EFCAB13: variants seen among roughly 807,000 people sequenced by gnomAD.
EFCAB13 encodes EF-hand calcium-binding domain-containing protein 13.
A neutral mutation model predicts 110.2 loss-of-function variants in EFCAB13; 91 were observed. The observed-to-expected ratio is 0.83, with a 90% confidence interval of 0.70 to 0.98. The LOEUF is 0.98. Ranked by LOEUF, EFCAB13 falls within the 50% of genes least tolerant of loss-of-function variation. The pLI is 0.00. For missense variants in EFCAB13, 968 were observed against 1,119.4 expected (o/e 0.86, Z 1.93); for synonymous variants, 323 against 369.9 (o/e 0.87, Z 1.45).
At chr17:47,391,803 T>G (rs2065709719) in intron 15 of EFCAB13, among the ~76,000 whole-genome samples, 1 of 151,974 alleles carries the variant, frequency 6.6e-6, no homozygotes, top group Non-Finnish European at 1.5e-5. Context: ...AAAATTTTAT[T>G]TATTTATTCT....
At chr17:47,397,700 C>G (rs979010698) in intron 17 of EFCAB13, among the ~76,000 whole-genome samples, 2 of 151,386 alleles carry the variant, frequency 1.3e-5, no homozygotes, top group African/African-American at 4.9e-5. Context: ...TCTACCCGGC[C>G]GCGACCCCAT....
intron 9 of EFCAB13, among the ~76,000 whole-genome samples, chr17:47,353,301 T>A (rs575898294): frequency 6.6e-6 from 1 of 151,820 alleles, no homozygotes; most frequent in African/African-American, 2.4e-5. Flanking sequence ...TTATTATTTT[T>A]TTTTATTTTT....
At chr17:47,436,066 G>A (rs990391258) in intron 24 of EFCAB13, among the ~76,000 whole-genome samples, 2 of 152,256 alleles carry the variant, frequency 1.3e-5, no homozygotes, top group Admixed American at 6.5e-5. Context: ...TTTATGTGGT[G>A]TATCACATTT....
intron 23 of EFCAB13, chr17:47,423,412 G>T (rs1904791220): frequency 5.7e-6 from 1 of 176,412 alleles, no homozygotes; most frequent in East Asian, 1.5e-4. Flanking sequence ...AAAGTTGAGG[G>T]GGCGTGTTCC....
intron 21 of EFCAB13, among the ~76,000 whole-genome samples, chr17:47,410,705 A>C (rs190853754): frequency 2.1e-4 from 32 of 152,330 alleles, no homozygotes; most frequent in African/African-American, 6.3e-4. Context: ...AGACATATCC[A>C]TTCCAAGAGG....
Position 47,344,101 on chromosome 17 carries a change from A to G in EFCAB13, c.304-61A>G. Reference sequence around the variant, plus strand: ...TATCTTTTAAGAGTTGTATCATCCAAGAATGCTGAATTACCAGTGTCACTC... The same window carrying G: ...TATCTTTTAAGAGTTGTATCATCCAGGAATGCTGAATTACCAGTGTCACTC... On this transcript the variant is annotated intron_variant, in intron 6 of 24. Coordinates refer to ENST00000331493, the MANE Select transcript of EFCAB13 (RefSeq NM_152347.5). The G allele has an allele frequency of 4.5e-6, 7 of 1,548,102 alleles. No homozygotes were observed. The highest frequency in any genetic ancestry group is 6.1e-6 in the Non-Finnish European group (7 of 1,143,970).
At chr17:47,329,050 T>C (rs1349713297) in intron 4 of EFCAB13, 3 of 152,090 alleles carry the variant, frequency 2.0e-5, no homozygotes, top group African/African-American at 7.2e-5. Flanking sequence ...TATGGGGAAA[T>C]TGGATGAAAT....
chr17:47,371,129 A>T (rs2065582381), intron 11 of EFCAB13, among the ~76,000 whole-genome samples: 1 of 146,484 alleles, frequency 6.8e-6, no homozygotes, highest in Admixed American at 6.9e-5. Context: ...CTGGATATTA[A>T]TCCCTTCTCA....
intron 12 of EFCAB13, among the ~76,000 whole-genome samples, chr17:47,377,176 TACAC>T (rs1567792252): frequency 6.6e-6 from 1 of 151,956 alleles, no homozygotes; most frequent in Non-Finnish European, 1.5e-5. Context: ...CACACACACA[TACAC>T]ATACAAACAC....
Position 47,377,894 on chromosome 17 carries a change from A to G in EFCAB13, c.1501A>G (p.Ser501Gly). The G allele has an allele frequency of 6.3e-7, 1 of 1,587,142 alleles. No individual in the cohort carries two copies. The highest frequency in any genetic ancestry group is 8.5e-7 in the Non-Finnish European group (1 of 1,173,414). Reference protein sequence around the residue: ...EEFQKIVTDTSRNENGMVELD... With the variant: ...EEFQKIVTDTGRNENGMVELD... Reference sequence around the variant, plus strand: ...ATTCCAGAAGATTGTGACAGACACTAGTAGAAATGGTGAGAGACTGATAAC... The same window carrying G: ...ATTCCAGAAGATTGTGACAGACACTGGTAGAAATGGTGAGAGACTGATAAC... The change falls in exon 13 of 25, where the codon AGT (serine) becomes GGT (glycine). Residue 501 changes from serine to glycine, a missense_variant. Physicochemically the swap from Ser to Gly is moderately conservative, Grantham distance 56. Transcript: ENST00000331493.
chr17:47,351,659 T>G lies in EFCAB13; in HGVS notation c.661+3708T>G, dbSNP rs544310983. Among the ~76,000 whole-genome samples, 379 of 152,296 alleles carry G rather than the reference T, an allele frequency of 2.5e-3. 4 individuals carry two copies. Among genetic ancestry groups the G allele is most frequent in the African/African-American group, 8.9e-3 (370 of 41,564 alleles). On this transcript the variant is annotated intron_variant, in intron 9 of 24. Transcript: ENST00000331493. ...TTGCTTTTGTTGTCTTTGATCTGTT[T>G]GAGTTCTTGGTACATTCTGGATATC...
At chr17:47,325,637 T>C (rs1175265341) in intron 2 of EFCAB13, among the ~76,000 whole-genome samples, 1 of 151,998 alleles carries the variant, frequency 6.6e-6, no homozygotes, top group Non-Finnish European at 1.5e-5. Flanking sequence ...CTTACTTTTC[T>C]TTCTGGCTGA....
At chr17:47,360,832 C>A (rs1432534008) in intron 9 of EFCAB13, among the ~76,000 whole-genome samples, 1 of 152,084 alleles carries the variant, frequency 6.6e-6, no homozygotes, top group Non-Finnish European at 1.5e-5. Context: ...CCAGTTTCAG[C>A]TTTCTACAAA....
intron 9 of EFCAB13, among the ~76,000 whole-genome samples, chr17:47,358,008 T>C (rs1168514800): frequency 6.6e-6 from 1 of 152,230 alleles, no homozygotes; most frequent in East Asian, 1.9e-4. Flanking sequence ...GTTCTGAGAC[T>C]AATCAAGAAC....
At chr17:47,391,297 A>T in intron 14 of EFCAB13, 140 bp from the exon 15 acceptor site, 1 of 505,408 alleles carries the variant, frequency 2.0e-6, no homozygotes, top group Non-Finnish European at 3.2e-6. Flanking sequence ...TAAAGATTCT[A>T]GATATGCTTT....
chr17:47,421,722 C>G (rs912820298), intron 23 of EFCAB13, among the ~76,000 whole-genome samples: 1 of 150,728 alleles, frequency 6.6e-6, no homozygotes, highest in Non-Finnish European at 1.5e-5. Context: ...AAAAAAGATA[C>G]TAAGAGGATC....
intron 17 of EFCAB13, among the ~76,000 whole-genome samples, chr17:47,398,469 G>C (rs200130731): frequency 0.44 from 63,834 of 146,204 alleles, 13,275 homozygotes; most frequent in Non-Finnish European, 0.47. Flanking sequence ...TGCCGTGTCT[G>C]TGTAGAAAGA....
rs1325000658 is a variant in EFCAB13 at position 47,335,355 on chromosome 17, A to C, written c.190A>C (p.Ile64Leu). ...IRSLSPEYKK[I>L]FETSIIFCGE... ...GAGTTTGAGCCCAGAATATAAAAAA[A>C]TGTAAGTTAAAAACTCTGAACTTAC... Residue 64 changes from isoleucine to leucine, a missense_variant and splice_region_variant, in exon 5 of 25, where the codon ATA (isoleucine) becomes CTA (leucine). Coordinates refer to ENST00000331493, the MANE Select transcript of EFCAB13 (RefSeq NM_152347.5). The C allele has an allele frequency of 6.3e-7, 1 of 1,581,462 alleles. No individual in the cohort carries two copies.
At chr17:47,414,173 T>C (rs752841404) in intron 22 of EFCAB13, among the ~76,000 whole-genome samples, 2 of 152,182 alleles carry the variant, frequency 1.3e-5, no homozygotes, top group African/African-American at 2.4e-5. Flanking sequence ...GTCTCCTTAA[T>C]ATAATTATAG....
Sources: gnomAD v4.1 joint callset for allele counts (sites outside exome capture counted in the v4.1 genomes callset) on GRCh38, gnomAD v4.1.1 for gene constraint, MANE v1.5 for transcripts, NCBI Gene and HGNC (gene_info 2026-07-23, HGNC 2026-07-21) for gene names.